Variants in PTPN6 observed in about 807,000 individuals in gnomAD.
The protein encoded by PTPN6 is tyrosine-protein phosphatase non-receptor type 6.
Under a neutral mutation model 81.5 loss-of-function variants are expected in PTPN6, and 18 were observed. The observed-to-expected ratio is 0.22, with a 90% CI of 0.15 to 0.33. PTPN6 has a LOEUF of 0.33. PTPN6 is among the 10% of genes least tolerant of loss of function. The probability of loss-of-function intolerance (pLI) is 1.00; values close to 1 mark genes in which losing one functional copy is unlikely to be tolerated. For synonymous variants in PTPN6, 301 were observed against 310.9 expected, an observed-to-expected ratio of 0.97 and a Z score of 0.33; for missense variants, 500 against 794.2, an observed-to-expected ratio of 0.63 and a Z score of 4.45.
chr12:6,946,908 C>CA (rs201131260), upstream of PTPN6, among the ~76,000 whole-genome samples: 38 of 152,126 alleles, frequency 2.5e-4, no homozygotes, highest in African/African-American at 8.9e-4. Flanking sequence ...TGAGGACCCC[C>CA]GGCTCACTCA....
chr12:6,948,912 T>A (rs372231103), upstream of PTPN6, among the ~76,000 whole-genome samples: 1 of 144,124 alleles, frequency 6.9e-6, no homozygotes, highest in African/African-American at 2.6e-5. Flanking sequence ...GTCACTGCAC[T>A]CCAGCCTGAG....
Position 6,956,954 on chromosome 12 carries a change from GTC to G in PTPN6, c.1074+387_1074+388del, listed in dbSNP as rs1555148815. Among the ~76,000 whole-genome samples the G allele has an allele frequency of 1.3e-5, 2 of 152,174 alleles. No homozygotes were observed. The highest frequency in any genetic ancestry group is 2.4e-5 in the African/African-American group (1 of 41,424). On this transcript the variant is annotated intron_variant, in intron 9 of 15. Coordinates refer to ENST00000318974, the MANE Select transcript of PTPN6 (RefSeq NM_002831.6). The surrounding 1 kb of genome is among the most constrained non-coding windows in gnomAD (Gnocchi z 4.1). ...TGATCCCATCCGTGACACAAACTGG[GTC>G]AAGTTCCTTCCTTTCTGAAATCTCT...
At position 6,952,610 on chromosome 12, in the gene PTPN6, G is replaced by A. The variant is rs1945947502; in HGVS notation, c.326+433G>A. 3.6e-6 allele frequency: 1 copy of A among 277,014 alleles called. No homozygotes were observed. The highest frequency in any genetic ancestry group is 2.2e-5 in the African/African-American group (1 of 45,764). 17.2% of individuals were successfully genotyped at this position (277,014 alleles called of 1,614,324 possible). A position where few individuals can be genotyped will look rare whatever the true frequency, so the allele number is the denominator to read the frequency against. The stretch of plus-strand genomic sequence containing the variant: ...AGTGAGGAGCTGACACTGGGGTGAA[G>A]ATGGGGATGAATGCTTGCCAAGACA... On this transcript the variant is annotated intron_variant, in intron 3 of 15. Coordinates refer to ENST00000318974, the MANE Select transcript of PTPN6 (RefSeq NM_002831.6). The surrounding 1 kb of genome is among the most constrained non-coding windows in gnomAD (Gnocchi z 8.1).
intron 11 of PTPN6, among the ~76,000 whole-genome samples, chr12:6,958,858 G>A (rs969954948): frequency 1.3e-5 from 2 of 152,202 alleles, no homozygotes; most frequent in African/African-American, 2.4e-5. Flanking sequence ...TTCCTCATCT[G>A]TAAAATCAGG....
chr12:6,947,885 T>C (rs1555147088), upstream of PTPN6, among the ~76,000 whole-genome samples: 1 of 151,954 alleles, frequency 6.6e-6, no homozygotes, highest in Admixed American at 6.6e-5. Context: ...CACAAAGCCC[T>C]AATGTGGGAA....
In PTPN6 at chr12:6,955,273, G is replaced by A; in HGVS notation, c.633+6G>A. ...CCTTTGTCTACCTGCGGCAGGTCAG[G>A]GGTGGGCCCAGCTGCCTCCCCACTT... is the stretch of plus-strand genomic sequence containing the variant. On this transcript the variant is annotated splice_donor_region_variant and intron_variant, in intron 5 of 15. Transcript: ENST00000318974. This position sits in a 1 kb window ranked among gnomAD's most constrained non-coding sequence, Gnocchi z 7.2. 6.2e-7 allele frequency: 1 copy of A among 1,613,840 alleles called. No homozygotes were observed. The highest frequency in any genetic ancestry group is 8.5e-7 in the Non-Finnish European group (1 of 1,179,712).
chr12:6,957,629 T>TGCCCCCCCCCCCCC lies in PTPN6; in HGVS notation c.1075-25_1075-24insGCCCCCCCCCCCCC. 2 of 1,521,462 alleles carry TGCCCCCCCCCCCCC rather than the reference T, an allele frequency of 1.3e-6. No individual in the cohort carries two copies. The highest frequency in any genetic ancestry group is 1.8e-6 in the Non-Finnish European group (2 of 1,105,638). The allele number at this position is 1,521,462 out of a possible 1,614,324, so 94.2% of individuals were successfully genotyped here. A position where few individuals can be genotyped will look rare whatever the true frequency, so the allele number is the denominator to read the frequency against. On this transcript the variant is annotated intron_variant, in intron 9 of 15. Coordinates refer to ENST00000318974, the MANE Select transcript of PTPN6 (RefSeq NM_002831.6). This position sits in a 1 kb window ranked among gnomAD's most constrained non-coding sequence, Gnocchi z 6.5. ...CCACAGTGCCCTGCTCTGTGCCTCA[T>TGCCCCCCCCCCCCC]CCCCACCCGACCCTCCCTTTCCAGA...
upstream of PTPN6, chr12:6,946,655 C>T (rs2138246087): frequency 3.7e-6 from 5 of 1,351,152 alleles, no homozygotes; most frequent in Non-Finnish European, 5.3e-6. Flanking sequence ...GGCCACTGTG[C>T]ACAGCTGTGC....
chr12:6,949,345 G>T (rs782801903), upstream of PTPN6, among the ~76,000 whole-genome samples: 1 of 152,174 alleles, frequency 6.6e-6, no homozygotes, highest in African/African-American at 2.4e-5. Flanking sequence ...GACCCATGTT[G>T]CCTCTGGGGG....
In PTPN6 at chr12:6,957,061, C is replaced by T. The variant is rs782642829; in HGVS notation, c.1074+493C>T. The stretch of plus-strand genomic sequence containing the variant: ...AAGGTCTGGTGGCTTCCCTCTGACC[C>T]GCACGCTTCTCTTGAAGGCTCACCG... On this transcript the variant is annotated intron_variant, in intron 9 of 15. Coordinates refer to ENST00000318974, the MANE Select transcript of PTPN6 (RefSeq NM_002831.6). This position sits in a 1 kb window ranked among gnomAD's most constrained non-coding sequence, Gnocchi z 6.5. Among the ~76,000 whole-genome samples the T allele has an allele frequency of 6.2e-4, 95 of 152,320 alleles. 4 individuals carry two copies. Among genetic ancestry groups the T allele is most frequent in the South Asian group, 2.1e-4 (1 of 4,824 alleles).
upstream of PTPN6, among the ~76,000 whole-genome samples, chr12:6,948,001 C>CCTGA (rs369795438): frequency 9.0e-4 from 137 of 152,068 alleles, no homozygotes; most frequent in Non-Finnish European, 1.1e-3. Context: ...AAAGTGAAAA[C>CCTGA]CTGACGAGAT....
chr12:6,950,266 C>T (rs1945901801), upstream of PTPN6, among the ~76,000 whole-genome samples: 1 of 151,890 alleles, frequency 6.6e-6, no homozygotes, highest in East Asian at 2.0e-4. Context: ...CAGCCCTGTC[C>T]TCCAGCCACC....
rs782194958 is a variant in PTPN6 at position 6,952,604 on chromosome 12, G to C, written c.326+427G>C. 6 of 279,176 alleles carry C rather than the reference G, an allele frequency of 2.1e-5. No homozygotes were observed. Among genetic ancestry groups the C allele is most frequent in the Non-Finnish European group, 4.3e-5 (6 of 140,804 alleles). 17.3% of individuals were successfully genotyped at this position (279,176 alleles called of 1,614,324 possible). On this transcript the variant is annotated intron_variant, in intron 3 of 15. Transcript: ENST00000318974. This position sits in a 1 kb window ranked among gnomAD's most constrained non-coding sequence, Gnocchi z 8.1. ...TAGGACAGTGAGGAGCTGACACTGG[G>C]GTGAAGATGGGGATGAATGCTTGCC...
In PTPN6 at chr12:6,960,750, G is replaced by A. The variant is rs782794523; in HGVS notation, c.1674-56G>A. ...GACTGCCAGTGCCGGGTCCCCCTGT[G>A]CTGTCTCCTGACCTGCACCAACTGC... is the stretch of plus-strand genomic sequence containing the variant. On this transcript the variant is annotated intron_variant, in intron 14 of 15. Coordinates refer to ENST00000318974, the MANE Select transcript of PTPN6 (RefSeq NM_002831.6). This position sits in a 1 kb window ranked among gnomAD's most constrained non-coding sequence, Gnocchi z 6.1. The A allele has an allele frequency of 3.2e-5, 49 of 1,551,650 alleles. No individual in the cohort carries two copies. The highest frequency in any genetic ancestry group is 4.1e-5 in the Non-Finnish European group (47 of 1,147,074).
In PTPN6 at chr12:6,952,275, A is replaced by ACC. The variant is rs1248687544; in HGVS notation, c.326+100_326+101dup. 106 of 1,426,912 alleles carry ACC rather than the reference A, an allele frequency of 7.4e-5. No individual in the cohort carries two copies. The African/African-American group carries it at 1.5e-3, about 20-fold the overall frequency. 88.4% of individuals were successfully genotyped at this position (1,426,912 alleles called of 1,614,324 possible). A position where few individuals can be genotyped will look rare whatever the true frequency, so the allele number is the denominator to read the frequency against. ...GGGAGACTGGCAGCCGGCGCTGCCT[A>ACC]CCCTCCATCCCCTCCCCTCCCTGCA... On this transcript the variant is annotated intron_variant, in intron 3 of 15. Transcript: ENST00000318974. The surrounding 1 kb of genome is among the most constrained non-coding windows in gnomAD (Gnocchi z 8.1).
At position 6,956,616 on chromosome 12, in the gene PTPN6, G is replaced by A. The variant is rs1946037588; in HGVS notation, c.1074+48G>A. ...CATCCGCCCCCGTGCTTGTGGTCAT[G>A]CCATTAAGTCGAAGAGCAGTCAGAT... is the stretch of plus-strand genomic sequence containing the variant. On this transcript the variant is annotated intron_variant, in intron 9 of 15. Coordinates refer to ENST00000318974, the MANE Select transcript of PTPN6 (RefSeq NM_002831.6). The surrounding 1 kb of genome is among the most constrained non-coding windows in gnomAD (Gnocchi z 4.1). 6.2e-7 allele frequency: 1 copy of A among 1,610,638 alleles called. No homozygotes were observed. Among genetic ancestry groups the A allele is most frequent in the African/African-American group, 1.3e-5 (1 of 74,856 alleles).
Position 6,956,361 on chromosome 12 carries a change from C to T in PTPN6, c.925-58C>T. 1.9e-6 allele frequency: 3 copies of T among 1,613,684 alleles called. No individual in the cohort carries two copies. Among genetic ancestry groups the T allele is most frequent in the South Asian group, 2.2e-5 (2 of 91,052 alleles). ...GGTGAGGGTGGCAGTGGTTCAGGGC[C>T]TGTGCTGGGCCAAGGGGCTCACTGT... On this transcript the variant is annotated intron_variant, in intron 8 of 15. Transcript: ENST00000318974. The surrounding 1 kb of genome is among the most constrained non-coding windows in gnomAD (Gnocchi z 4.1).
Position 6,957,892 on chromosome 12 carries a change from G to A in PTPN6, c.1207-27G>A, listed in dbSNP as rs781887079. On this transcript the variant is annotated intron_variant, in intron 10 of 15. Transcript: ENST00000318974. The surrounding 1 kb of genome is among the most constrained non-coding windows in gnomAD (Gnocchi z 6.5). ...GATGAGGTGTTCCGAGAGAGGAGGG[G>A]GCACTGACCCTATGTCCTCGGCTTA... The A allele has an allele frequency of 1.2e-6, 2 of 1,614,012 alleles. No homozygotes were observed. Among genetic ancestry groups the A allele is most frequent in the Non-Finnish European group, 8.5e-7 (1 of 1,180,024 alleles).
rs1294032772 is a variant in PTPN6, at chr12:6,960,472, C to G, written c.1673+37C>G. 6.3e-7 allele frequency: 1 copy of G among 1,592,614 alleles called. No homozygotes were observed. The highest frequency in any genetic ancestry group is 1.1e-5 in the South Asian group (1 of 90,326). On this transcript the variant is annotated intron_variant, in intron 14 of 15. Coordinates refer to ENST00000318974, the MANE Select transcript of PTPN6 (RefSeq NM_002831.6). This position sits in a 1 kb window ranked among gnomAD's most constrained non-coding sequence, Gnocchi z 6.1. ...TGACTGCCACTGCCCGGCATCCACC[C>G]CTTTGTCCTGCCCAGCCCGATCCTC...
Sources: gnomAD v4.1 joint callset for allele counts (sites outside exome capture counted in the v4.1 genomes callset) on GRCh38, gnomAD v4.1.1 for gene constraint, Gnocchi (gnomAD v3.1) non-coding constraint, MANE v1.5 for transcripts, NCBI Gene and HGNC (gene_info 2026-07-23, HGNC 2026-07-21) for gene names.